PCDHA10: variants seen among roughly 807,000 people sequenced by gnomAD.
The protein encoded by PCDHA10 is protocadherin alpha 10.
A neutral mutation model predicts 61.2 loss-of-function variants in PCDHA10; 45 were observed. The ratio of observed to expected loss-of-function variants is 0.74; its 90% CI spans 0.58 to 0.94. The LOEUF (loss-of-function observed/expected upper bound fraction) is 0.94. Ranked by LOEUF, PCDHA10 falls within the 40% of genes least tolerant of loss-of-function variation. The probability of loss-of-function intolerance (pLI) is 0.00; values close to 1 mark genes in which losing one functional copy is unlikely to be tolerated. For missense variants in PCDHA10, 1,278 were observed against 1,236.2 expected, an observed-to-expected ratio of 1.03 and a Z score of -0.51; for synonymous variants, 602 against 548.8, an observed-to-expected ratio of 1.10 and a Z score of -1.35.
At chr5:140,966,710 G>C in intron 1 of PCDHA10, 1 of 1,391,664 alleles carries the variant, frequency 7.2e-7, no homozygotes, top group African/African-American at 1.5e-5. Context: ...GTGGGGCACG[G>C]CTGGGGAAGC....
In PCDHA10 at chr5:141,010,289, C is replaced by G. The variant is rs2098416832; in HGVS notation, c.*352C>G. The G allele has an allele frequency of 4.5e-6, 7 of 1,550,274 alleles. No homozygotes were observed. The highest frequency in any genetic ancestry group is 3.9e-5 in the Admixed American group (2 of 50,654). ...GGGGATCCTGTCTTGATGACACTTG[C>G]AGGGCAGGCTGAAAAGTTTTGAGAT... On this transcript the variant is annotated 3_prime_UTR_variant, in exon 4 of 4. Transcript: ENST00000307360.
intron 1 of PCDHA10, chr5:140,967,531 T>C (rs1399482021): frequency 3.7e-6 from 6 of 1,613,104 alleles, no homozygotes; most frequent in Non-Finnish European, 4.2e-6. Context: ...ACAACTCTCC[T>C]GCCTTTGACC....
chr5:140,948,255 C>G (rs1271882562), intron 1 of PCDHA10, among the ~76,000 whole-genome samples: 1 of 151,484 alleles, frequency 6.6e-6, no homozygotes, highest in Non-Finnish European at 1.5e-5. Flanking sequence ...ATTTTTACAT[C>G]TGTGTTCATG....
At chr5:140,975,439 T>C (rs1376325988) in intron 1 of PCDHA10, among the ~76,000 whole-genome samples, 2 of 152,222 alleles carry the variant, frequency 1.3e-5, no homozygotes, top group Non-Finnish European at 2.9e-5. Context: ...CACCAGGATA[T>C]AGGGATCTTG....
chr5:140,908,754 A>G (rs1403008536), intron 1 of PCDHA10, among the ~76,000 whole-genome samples: 1 of 152,184 alleles, frequency 6.6e-6, no homozygotes, highest in African/African-American at 2.4e-5. Context: ...ACTTGCACAC[A>G]GCCTGGACGT....
intron 1 of PCDHA10, among the ~76,000 whole-genome samples, chr5:140,958,824 A>T (rs1008923744): frequency 8.5e-5 from 13 of 152,158 alleles, no homozygotes; most frequent in African/African-American, 3.1e-4. Context: ...TAATTTTTAT[A>T]TCTTAAAGTT....
At chr5:140,982,275 A>G (rs1315034472) in intron 2 of PCDHA10, 200 bp from the exon 3 acceptor site, 3 of 951,630 alleles carry the variant, frequency 3.2e-6, no homozygotes, top group Non-Finnish European at 4.5e-6. Context: ...GGAATAGTAT[A>G]GCAGGCAATA....
intron 1 of PCDHA10, among the ~76,000 whole-genome samples, chr5:140,923,976 A>G (rs1257687753): frequency 6.6e-6 from 1 of 152,176 alleles, no homozygotes; most frequent in Non-Finnish European, 1.5e-5. Context: ...CACACATACT[A>G]TCCCTCTAGG....
At chr5:140,871,275 A>C in intron 1 of PCDHA10, 3 of 1,613,900 alleles carry the variant, frequency 1.9e-6, no homozygotes, top group Non-Finnish European at 2.5e-6. Flanking sequence ...GGTGGTCGGC[A>C]ACGCCCACTG....
chr5:140,913,450 T>G (rs2153526628), intron 1 of PCDHA10, among the ~76,000 whole-genome samples: 1 of 152,270 alleles, frequency 6.6e-6, no homozygotes, highest in Middle Eastern at 3.4e-3. Flanking sequence ...TCAGCTCCGA[T>G]TTTATTTACT....
At position 141,010,166 on chromosome 5, in the gene PCDHA10, A is replaced by T; in HGVS notation, c.*229A>T. 1 of 1,562,828 alleles carries T rather than the reference A, an allele frequency of 6.4e-7. No individual in the cohort carries two copies. On this transcript the variant is annotated 3_prime_UTR_variant, in exon 4 of 4. Coordinates refer to ENST00000307360, the MANE Select transcript of PCDHA10 (RefSeq NM_018901.4). ...TCTCTCCACTCTGGCTTGTTTTCAG[A>T]ACCTAAAAAGCAGACCCAAGTTTCC... is the stretch of plus-strand genomic sequence containing the variant.
chr5:141,004,101 T>C (rs2098153096), intron 3 of PCDHA10, among the ~76,000 whole-genome samples: 1 of 152,220 alleles, frequency 6.6e-6, no homozygotes, highest in Admixed American at 6.5e-5. Flanking sequence ...TCCGTTTTCA[T>C]CTTCTTCAAA....
chr5:140,930,769 T>G (rs1373924244), intron 1 of PCDHA10, among the ~76,000 whole-genome samples: 2 of 152,214 alleles, frequency 1.3e-5, no homozygotes, highest in Non-Finnish European at 2.9e-5. Context: ...TTTTCTGTAC[T>G]TAATATTTTC....
chr5:140,857,987 C>T lies in PCDHA10; in HGVS notation c.1939C>T (p.Leu647=). The T allele has an allele frequency of 6.3e-7, 1 of 1,596,876 alleles. No individual in the cohort carries two copies. Among genetic ancestry groups the T allele is most frequent in the Admixed American group, 1.7e-5 (1 of 59,150 alleles). The change falls in exon 1 of 4, where the codon CTG becomes TTG. Residue 647 remains leucine, a synonymous_variant. Transcript: ENST00000307360. ...DETDSPRQRL[L]VLVKDHGEPS... ...GACTGACTCGCCACGCCAGCGCCTA[C>T]TGGTGCTGGTGAAGGACCATGGCGA...
intron 3 of PCDHA10, among the ~76,000 whole-genome samples, chr5:140,997,287 A>G (rs1011963664): frequency 2.0e-5 from 3 of 152,280 alleles, no homozygotes; most frequent in Admixed American, 1.3e-4. Context: ...TCACTTAACA[A>G]TGGGGATACA....
At chr5:140,870,819 G>A (rs1365807310) in intron 1 of PCDHA10, 2 of 1,613,712 alleles carry the variant, frequency 1.2e-6, no homozygotes, top group Admixed American at 3.3e-5. Flanking sequence ...CTGGCAGCGC[G>A]GGAGGCGCAG....
Position 141,003,329 on chromosome 5 carries a change from T to C in PCDHA10, c.2537-6298T>C, listed in dbSNP as rs571160293. On this transcript the variant is annotated intron_variant, in intron 3 of 3. Transcript: ENST00000307360. ...GGCCAGCTACTTCCAGAGGGCAGGG[T>C]TTTTTGTTTGTTTGCTCTGTCACCC... Among the ~76,000 whole-genome samples the C allele has an allele frequency of 7.2e-5, 11 of 152,118 alleles. No homozygotes were observed. The South Asian group carries it at 2.3e-3, about 32-fold the overall frequency.
chr5:140,863,548 T>C (rs1370374159), intron 1 of PCDHA10: 6 of 380,478 alleles, frequency 1.6e-5, no homozygotes, highest in South Asian at 4.1e-5. Context: ...TGGACTTCAA[T>C]AGGAAATTTT....
At chr5:140,901,922 G>A (rs2068984254) in intron 1 of PCDHA10, among the ~76,000 whole-genome samples, 2 of 151,732 alleles carry the variant, frequency 1.3e-5, no homozygotes. Flanking sequence ...TCACTTCTTT[G>A]GTTAATTCCT....
Sources: allele counts gnomAD v4.1 joint callset (sites outside exome capture counted in the v4.1 genomes callset), GRCh38; gene constraint gnomAD v4.1.1; transcripts MANE v1.5; gene names NCBI Gene and HGNC (gene_info 2026-07-23, HGNC 2026-07-21).